MARCHF1: variants seen among roughly 807,000 people sequenced by gnomAD.
The protein encoded by MARCHF1 is membrane associated ring-CH-type finger 1.
MARCHF1 carries 40 observed loss-of-function variants against 54.2 expected under a neutral mutation model. That is an observed-to-expected ratio of 0.74 (90% confidence interval 0.57 to 0.96). The LOEUF is 0.96. Among genes scored for constraint, MARCHF1 ranks in the 40% least tolerant of loss-of-function variants. MARCHF1 has a pLI of 0.00. For missense variants in MARCHF1, 586 were observed against 656.5 expected (o/e 0.89, Z 1.17); for synonymous variants, 236 against 236.3 (o/e 1.00, Z 0.01).
At chr4:163,745,965 C>G (rs1185850458) in intron 4 of MARCHF1, among the ~76,000 whole-genome samples, 1 of 152,130 alleles carries the variant, frequency 6.6e-6, no homozygotes, top group African/African-American at 2.4e-5. Flanking sequence ...ATTATCAACA[C>G]CCCCCACCAG....
intron 4 of MARCHF1, among the ~76,000 whole-genome samples, chr4:163,729,583 A>AT (rs1369812429): frequency 3.3e-5 from 5 of 152,118 alleles, no homozygotes; most frequent in East Asian, 1.9e-4. Flanking sequence ...ATTTTGACAG[A>AT]TTTTTTCTTT....
chr4:163,725,804 C>T (rs57820441), intron 4 of MARCHF1, among the ~76,000 whole-genome samples: 3,765 of 152,104 alleles, frequency 0.025, 158 homozygotes, highest in African/African-American at 0.085. Context: ...AGGTACCTGT[C>T]CTGAAAGAAT....
chr4:164,115,417 GGCAAGGCA>G (rs2110747865), intron 1 of MARCHF1, among the ~76,000 whole-genome samples: 1 of 152,162 alleles, frequency 6.6e-6, no homozygotes, highest in East Asian at 1.9e-4. Context: ...TTTTGATTTT[GGCAAGGCA>G]AATGTGTTCA....
At chr4:163,817,319 A>G (rs1297870623) in intron 4 of MARCHF1, among the ~76,000 whole-genome samples, 1 of 149,234 alleles carries the variant, frequency 6.7e-6, no homozygotes, top group East Asian at 2.0e-4. Context: ...ATATATGTAC[A>G]TATACACATA....
intron 7 of MARCHF1, among the ~76,000 whole-genome samples, chr4:163,588,529 T>C (rs555307684): frequency 2.3e-4 from 35 of 152,316 alleles, no homozygotes; most frequent in African/African-American, 7.9e-4. Flanking sequence ...TAAAATCTAA[T>C]AAATTATAGA....
chr4:164,151,015 T>C (rs968722052), intron 1 of MARCHF1, among the ~76,000 whole-genome samples: 4 of 152,010 alleles, frequency 2.6e-5, no homozygotes, highest in Non-Finnish European at 4.4e-5. Context: ...GCTTGGAAGA[T>C]GAAAGAAAAT....
At chr4:164,062,982 T>A (rs564081102) in intron 2 of MARCHF1, among the ~76,000 whole-genome samples, 217 of 152,336 alleles carry the variant, frequency 1.4e-3, no homozygotes, top group African/African-American at 4.8e-3. Flanking sequence ...TGATCAGTAA[T>A]GTTTTAGAAG....
chr4:164,068,201 C>T (rs1414980716), intron 2 of MARCHF1, among the ~76,000 whole-genome samples: 3 of 152,192 alleles, frequency 2.0e-5, no homozygotes, highest in Non-Finnish European at 4.4e-5. Flanking sequence ...ACCATTTGAT[C>T]CAGCAATCCC....
chr4:163,888,126 T>C (rs1447315336), intron 3 of MARCHF1, among the ~76,000 whole-genome samples: 1 of 152,188 alleles, frequency 6.6e-6, no homozygotes, highest in Non-Finnish European at 1.5e-5. Context: ...CCATGACACG[T>C]GTATACCTAT....
At chr4:163,579,252 A>C (rs949286388) in intron 8 of MARCHF1, among the ~76,000 whole-genome samples, 2 of 152,224 alleles carry the variant, frequency 1.3e-5, no homozygotes, top group Admixed American at 1.3e-4. Flanking sequence ...ACACTGCAAT[A>C]TTATTTTAGT....
intron 1 of MARCHF1, among the ~76,000 whole-genome samples, chr4:164,282,768 C>T (rs1326926012): frequency 6.6e-6 from 1 of 151,246 alleles, no homozygotes; most frequent in Non-Finnish European, 1.5e-5. Context: ...ACATGATCAA[C>T]AGGCTCTGCC....
intron 1 of MARCHF1, among the ~76,000 whole-genome samples, chr4:164,176,351 C>T (rs1299309364): frequency 6.6e-6 from 1 of 152,054 alleles, no homozygotes; most frequent in Non-Finnish European, 1.5e-5. Flanking sequence ...AAAATAGTGT[C>T]AAATATTTAG....
chr4:164,259,544 C>CAAAAAAAA (rs141030578), intron 1 of MARCHF1, among the ~76,000 whole-genome samples: 134 of 58,012 alleles, frequency 2.3e-3, no homozygotes, highest in South Asian at 3.6e-3. Context: ...GACCGTGTCT[C>CAAAAAAAA]AAAAAAAAAA....
At chr4:163,788,483 C>G (rs1026860922) in intron 4 of MARCHF1, among the ~76,000 whole-genome samples, 2 of 151,990 alleles carry the variant, frequency 1.3e-5, no homozygotes, top group Non-Finnish European at 2.9e-5. Flanking sequence ...AAGTTTCCTT[C>G]GTCTCCTCTG....
At chr4:163,925,072 A>C (rs182884497) in intron 3 of MARCHF1, among the ~76,000 whole-genome samples, 1 of 152,018 alleles carries the variant, frequency 6.6e-6, no homozygotes, top group Admixed American at 6.6e-5. Context: ...TGGTCCCCTT[A>C]AGAAAAACTG....
intron 4 of MARCHF1, among the ~76,000 whole-genome samples, chr4:163,767,012 T>C (rs1295790881): frequency 6.6e-6 from 1 of 151,410 alleles, no homozygotes; most frequent in Non-Finnish European, 1.5e-5. Context: ...CATTAGGACA[T>C]ATTTTTTTCA....
At chr4:163,692,687 G>C (rs898542387) in intron 5 of MARCHF1, among the ~76,000 whole-genome samples, 1 of 151,258 alleles carries the variant, frequency 6.6e-6, no homozygotes, top group East Asian at 2.0e-4. Context: ...ATTTGGAAAG[G>C]ATCATTTTGG....
chr4:163,955,793 A>G (rs1752221346), intron 3 of MARCHF1, among the ~76,000 whole-genome samples: 1 of 152,166 alleles, frequency 6.6e-6, no homozygotes, highest in Non-Finnish European at 1.5e-5. Flanking sequence ...AGTGCAGTGT[A>G]TTGTGACAGA....
At chr4:164,068,861 G>T (rs893438274) in intron 2 of MARCHF1, among the ~76,000 whole-genome samples, 1 of 152,226 alleles carries the variant, frequency 6.6e-6, no homozygotes, top group Admixed American at 6.5e-5. Context: ...CTAGTTAAGG[G>T]ATTGTAAATA....
Sources: allele counts gnomAD v4.1 joint callset (sites outside exome capture counted in the v4.1 genomes callset), GRCh38; gene constraint gnomAD v4.1.1; transcripts MANE v1.5; gene names NCBI Gene and HGNC (gene_info 2026-07-23, HGNC 2026-07-21).